Variants in L3MBTL4 observed in about 807,000 individuals in gnomAD.
L3MBTL4 encodes L3MBTL histone methyl-lysine binding protein 4, also known as lethal(3)malignant brain tumor-like protein 4.
In L3MBTL4, 70 loss-of-function variants were observed where a neutral mutation model predicts 84.5. The ratio of observed to expected loss-of-function variants is 0.83; its 90% CI spans 0.68 to 1.01. The LOEUF is 1.01. Among genes scored for constraint, L3MBTL4 ranks in the 50% least tolerant of loss-of-function variants. The pLI is 0.00. For synonymous variants in L3MBTL4, 274 were observed against 259.8 expected, an observed-to-expected ratio of 1.05 and a Z score of -0.52; for missense variants, 715 against 754.8, an observed-to-expected ratio of 0.95 and a Z score of 0.62.
chr18:6,071,277 G>C (rs1028683483), intron 16 of L3MBTL4, among the ~76,000 whole-genome samples: 4 of 151,744 alleles, frequency 2.6e-5, no homozygotes, highest in African/African-American at 9.7e-5. Flanking sequence ...TGTAATCCCA[G>C]CTACTTGTGA....
At chr18:6,344,124 A>C (rs1482592829) in intron 1 of L3MBTL4, among the ~76,000 whole-genome samples, 1 of 152,126 alleles carries the variant, frequency 6.6e-6, no homozygotes, top group Non-Finnish European at 1.5e-5. Context: ...ATTATGTGAG[A>C]CGATCAACTT....
intron 14 of L3MBTL4, among the ~76,000 whole-genome samples, chr18:6,098,310 C>T (rs2058706447): frequency 6.6e-6 from 1 of 152,142 alleles, no homozygotes; most frequent in Non-Finnish European, 1.5e-5. Flanking sequence ...CTCAGGTGAC[C>T]AGGGGGCCCT....
At chr18:6,311,696 G>A (rs1251478098) in intron 2 of L3MBTL4, 40 bp from the exon 3 acceptor site, 2 of 1,152,846 alleles carry the variant, frequency 1.7e-6, no homozygotes, top group Non-Finnish European at 2.6e-6. Flanking sequence ...GGATGGGGGT[G>A]TGACCCCTTC....
intron 10 of L3MBTL4, among the ~76,000 whole-genome samples, chr18:6,217,840 T>C (rs1312604946): frequency 6.6e-6 from 1 of 152,206 alleles, no homozygotes; most frequent in Non-Finnish European, 1.5e-5. Context: ...CCTATTATTT[T>C]CTGTTTGTGT....
rs1423237152 is a variant in L3MBTL4, at chr18:6,414,791, T to C, written c.-91+10A>G. On this transcript the variant is annotated intron_variant, in intron 1 of 18. Coordinates refer to ENST00000317931, the MANE Select transcript of L3MBTL4 (RefSeq NM_001330559.2). This position sits in a 1 kb window ranked among gnomAD's most constrained non-coding sequence, Gnocchi z 5.4. ...CGACCATCCCACGCGGGCGGCGGCGTCCTTCTTACCCCCAGCGGAGCGGCG... is the reference window on the plus strand; with the variant it reads ...CGACCATCCCACGCGGGCGGCGGCGCCCTTCTTACCCCCAGCGGAGCGGCG... 1 of 151,156 alleles carries C rather than the reference T, an allele frequency of 6.6e-6. No individual in the cohort carries two copies. Among genetic ancestry groups the C allele is most frequent in the Non-Finnish European group, 1.5e-5 (1 of 67,780 alleles). The allele number at this position is 151,156 out of a possible 1,614,324, so 9.4% of individuals were successfully genotyped here.
At chr18:5,991,540 T>C (rs1046497102) in intron 16 of L3MBTL4, among the ~76,000 whole-genome samples, 1 of 152,198 alleles carries the variant, frequency 6.6e-6, no homozygotes, top group African/African-American at 2.4e-5. Flanking sequence ...GCTATAATAG[T>C]AACCTGTTTA....
rs554851121 is a variant in L3MBTL4 at position 6,263,004 on chromosome 18, C to T, written c.219+943G>A. Among the ~76,000 whole-genome samples, 9 of 152,254 alleles carry T rather than the reference C, an allele frequency of 5.9e-5. No individual in the cohort carries two copies. The South Asian group carries it at 8.3e-4, about 14-fold the overall frequency. The stretch of plus-strand genomic sequence containing the variant: ...CTGTAAAGAAATGGGCTGGGCACGG[C>T]GGCTTACGCCTGTAATCCCCGGCAC... On this transcript the variant is annotated intron_variant, in intron 5 of 18. Transcript: ENST00000317931.
intron 1 of L3MBTL4, among the ~76,000 whole-genome samples, chr18:6,332,681 G>A (rs1435498904): frequency 6.6e-6 from 1 of 152,216 alleles, no homozygotes; most frequent in Admixed American, 6.5e-5. Context: ...TCAGACCAAA[G>A]ACAATGCAGA....
chr18:6,295,731 C>G (rs967928722), intron 4 of L3MBTL4, among the ~76,000 whole-genome samples: 5 of 152,074 alleles, frequency 3.3e-5, no homozygotes, highest in Admixed American at 1.3e-4. Context: ...CCTGTTAATC[C>G]TCCACTGAGT....
intron 12 of L3MBTL4, among the ~76,000 whole-genome samples, chr18:6,197,393 T>C (rs953243743): frequency 6.6e-6 from 1 of 152,236 alleles, no homozygotes; most frequent in Non-Finnish European, 1.5e-5. Flanking sequence ...ATTAGTTTGC[T>C]GAGGATAATG....
intron 16 of L3MBTL4, among the ~76,000 whole-genome samples, chr18:6,004,462 T>A (rs2054369507): frequency 6.6e-6 from 1 of 152,168 alleles, no homozygotes; most frequent in South Asian, 2.1e-4. Flanking sequence ...AGAACTATCA[T>A]CAATTTTTCT....
At chr18:6,299,694 G>A (rs1312677768) in intron 4 of L3MBTL4, among the ~76,000 whole-genome samples, 8 of 152,040 alleles carry the variant, frequency 5.3e-5, no homozygotes, top group Admixed American at 5.2e-4. Flanking sequence ...TTTATATACA[G>A]GGTCTCACTT....
At chr18:6,232,953 T>C (rs1425989548) in intron 10 of L3MBTL4, among the ~76,000 whole-genome samples, 1 of 152,072 alleles carries the variant, frequency 6.6e-6, no homozygotes, top group East Asian at 1.9e-4. Flanking sequence ...CAGCAGCACA[T>C]CAAAAAGCTA....
chr18:6,187,215 T>C (rs1287497465), intron 12 of L3MBTL4, among the ~76,000 whole-genome samples: 2 of 152,212 alleles, frequency 1.3e-5, no homozygotes, highest in East Asian at 3.9e-4. Context: ...GTTTTTAGCA[T>C]ATATGAGTTT....
rs199942673 is a variant in L3MBTL4 at position 6,322,456 on chromosome 18, TGGAAGGAAGGAA to T, written c.-90-10412_-90-10401del. On this transcript the variant is annotated intron_variant, in intron 1 of 18. Transcript: ENST00000317931. ...GAGGGAGGAAGGAAAGAAGGAAGGATGGAAGGAAGGAAGGAAGGAAGGAAGGAAGGAAGGAAG... is the reference window on the plus strand; with the variant it reads ...GAGGGAGGAAGGAAAGAAGGAAGGATGGAAGGAAGGAAGGAAGGAAGGAAG... Among the ~76,000 whole-genome samples, 429 of 102,568 alleles carry T rather than the reference TGGAAGGAAGGAA, an allele frequency of 4.2e-3. 7 individuals are homozygous for T. Among genetic ancestry groups the T allele is most frequent in the Admixed American group, 0.038 (340 of 8,974 alleles). 67.3% of individuals were successfully genotyped at this position (102,568 alleles called of 152,430 possible). A position where few individuals can be genotyped will look rare whatever the true frequency, so the allele number is the denominator to read the frequency against.
intron 14 of L3MBTL4, among the ~76,000 whole-genome samples, chr18:6,106,885 A>G (rs2059026296): frequency 6.6e-6 from 1 of 152,216 alleles, no homozygotes; most frequent in East Asian, 1.9e-4. Flanking sequence ...GCCCTGGACT[A>G]GGGATGTGGT....
chr18:6,034,850 T>C (rs1353218705), intron 16 of L3MBTL4, among the ~76,000 whole-genome samples: 2 of 149,692 alleles, frequency 1.3e-5, no homozygotes, highest in African/African-American at 4.9e-5. Flanking sequence ...CTAACTGGTG[T>C]GAGATGGTAT....
intron 4 of L3MBTL4, among the ~76,000 whole-genome samples, chr18:6,286,866 C>T (rs2049615687): frequency 6.6e-6 from 1 of 152,126 alleles, no homozygotes; most frequent in Non-Finnish European, 1.5e-5. Context: ...CTTCCCCCTC[C>T]TATTTGAGAG....
rs1043126436 is a variant in L3MBTL4, at chr18:6,407,902, C to T, written c.-91+6899G>A. ...ACAACAGTACATCGTGGTAGGAAAG[C>T]GCACAGTATGTATAGTCCAGTCTCA... On this transcript the variant is annotated intron_variant, in intron 1 of 18. Coordinates refer to ENST00000317931, the MANE Select transcript of L3MBTL4 (RefSeq NM_001330559.2). 4.6e-5 allele frequency among the ~76,000 whole-genome samples: 7 copies of T among 152,248 alleles called. No individual in the cohort carries two copies. In the South Asian group the frequency reaches 8.3e-4, roughly 18 times the overall value.
Sources: gnomAD v4.1 joint callset for allele counts (sites outside exome capture counted in the v4.1 genomes callset) on GRCh38, gnomAD v4.1.1 for gene constraint, Gnocchi (gnomAD v3.1) non-coding constraint, MANE v1.5 for transcripts, NCBI Gene and HGNC (gene_info 2026-07-23, HGNC 2026-07-21) for gene names.